Variants in CADM1 observed in about 807,000 individuals in gnomAD.
CADM1 encodes cell adhesion molecule 1.
In CADM1, 15 loss-of-function variants were observed where a neutral mutation model predicts 53.1. The ratio of observed to expected loss-of-function variants is 0.28; its 90% CI spans 0.19 to 0.44. CADM1 has a LOEUF of 0.44. CADM1 is among the 20% of genes least tolerant of loss of function. The pLI is 1.00. For synonymous variants in CADM1, 281 were observed against 243.0 expected (o/e 1.16, Z -1.45); for missense variants, 434 against 611.3 (o/e 0.71, Z 3.06).
chr11:115,193,888 C>T (rs1940016815), intron 9 of CADM1: 1 of 152,168 alleles, frequency 6.6e-6, no homozygotes, highest in Non-Finnish European at 1.5e-5. Flanking sequence ...ACTCTTACTT[C>T]CACCACCAGC....
chr11:115,254,570 ACACAC>A, intron 1 of CADM1, among the ~76,000 whole-genome samples: 1 of 148,662 alleles, frequency 6.7e-6, no homozygotes, highest in East Asian at 2.0e-4. Context: ...ACACACACAC[ACACAC>A]ACACACACAC....
At chr11:115,499,499 T>C (rs1949687720) in intron 1 of CADM1, among the ~76,000 whole-genome samples, 1 of 152,274 alleles carries the variant, frequency 6.6e-6, no homozygotes, top group African/African-American at 2.4e-5. Flanking sequence ...TCCATGGGTT[T>C]ATTACCTAGA....
chr11:115,174,508 G>C lies in CADM1; in HGVS notation c.*1966C>G. ...ATAGGGGAGGGGTAAATAAAATGCT[G>C]CTCGATAATGGATTTTCTTTTACAT... On this transcript the variant is annotated 3_prime_UTR_variant, in exon 12 of 12. Transcript: ENST00000331581. The C allele has an allele frequency of 1.0e-6, 1 of 985,610 alleles. No homozygotes were observed. Among genetic ancestry groups the C allele is most frequent in the Non-Finnish European group, 1.2e-6 (1 of 829,880 alleles). The allele number at this position is 985,610 out of a possible 1,614,324, so 61.1% of individuals were successfully genotyped here.
Position 115,259,290 on chromosome 11 carries a change from CTTTTTTTTTTTTTTTT to C in CADM1, c.125-18886_125-18871del, listed in dbSNP as rs71066411. ...CGTGCGCCACCGCACCCAGTCTTAA[CTTTTTTTTTTTTTTTT>C]TTTTTTTTTTTTTTTTTGAGACAGA... On this transcript the variant is annotated intron_variant, in intron 1 of 11. Coordinates refer to ENST00000331581, the MANE Select transcript of CADM1 (RefSeq NM_001301043.2). Among the ~76,000 whole-genome samples, 25 of 55,058 alleles carry C rather than the reference CTTTTTTTTTTTTTTTT, an allele frequency of 4.5e-4. No individual in the cohort carries two copies. In the Admixed American group the frequency reaches 5.6e-3, roughly 12 times the overall value. 36.1% of individuals were successfully genotyped at this position (55,058 alleles called of 152,430 possible).
intron 1 of CADM1, among the ~76,000 whole-genome samples, chr11:115,284,263 A>C (rs1406829646): frequency 2.0e-5 from 3 of 151,894 alleles, no homozygotes; most frequent in Non-Finnish European, 4.4e-5. Flanking sequence ...CCTAGAGATG[A>C]TCCAGTATTA....
chr11:115,200,614 G>T (rs189632867), intron 8 of CADM1, among the ~76,000 whole-genome samples: 4 of 152,278 alleles, frequency 2.6e-5, no homozygotes, highest in Non-Finnish European at 5.9e-5. Context: ...TCCTGCCTCA[G>T]CCTCCCGAGT....
chr11:115,262,896 C>G (rs889361923), intron 1 of CADM1, among the ~76,000 whole-genome samples: 1 of 152,028 alleles, frequency 6.6e-6, no homozygotes, highest in African/African-American at 2.4e-5. Flanking sequence ...CTTCATCCAC[C>G]TTCTCCTAAT....
chr11:115,480,775 G>T (rs765604004), intron 1 of CADM1, among the ~76,000 whole-genome samples: 1 of 152,112 alleles, frequency 6.6e-6, no homozygotes, highest in Non-Finnish European at 1.5e-5. Flanking sequence ...AACAGGTTTA[G>T]CATGGGATCC....
intron 1 of CADM1, among the ~76,000 whole-genome samples, chr11:115,253,448 C>T (rs1053882686): frequency 3.3e-5 from 5 of 152,072 alleles, no homozygotes; most frequent in East Asian, 1.9e-4. Context: ...TATGGCATCA[C>T]GGGACATAAT....
intron 7 of CADM1, 29 bp from the exon 8 acceptor site, chr11:115,209,686 C>A (rs897405227): frequency 3.7e-6 from 6 of 1,611,054 alleles, no homozygotes; most frequent in Non-Finnish European, 3.4e-6. Context: ...GAAAATCAAA[C>A]CCACAATGCT....
At chr11:115,222,194 C>G (rs1941432214) in intron 5 of CADM1, among the ~76,000 whole-genome samples, 1 of 152,168 alleles carries the variant, frequency 6.6e-6, no homozygotes, top group Non-Finnish European at 1.5e-5. Context: ...GGGTCTGGGT[C>G]AGCCCCTGTG....
intron 1 of CADM1, among the ~76,000 whole-genome samples, chr11:115,356,079 C>T (rs1263632803): frequency 6.6e-6 from 1 of 152,106 alleles, no homozygotes; most frequent in East Asian, 1.9e-4. Context: ...GATCCACCCA[C>T]CTTGGCCTCC....
intron 1 of CADM1, chr11:115,445,966 G>T (rs532590158): frequency 2.7e-5 from 6 of 219,994 alleles, no homozygotes; most frequent in Non-Finnish European, 5.6e-5. Flanking sequence ...TACATAAAAA[G>T]TATTTACTTT....
intron 1 of CADM1, among the ~76,000 whole-genome samples, chr11:115,428,223 A>G (rs1332810986): frequency 6.6e-6 from 1 of 152,130 alleles, no homozygotes; most frequent in Non-Finnish European, 1.5e-5. Flanking sequence ...TAGGTTTAAA[A>G]TATCTAGACA....
At chr11:115,368,427 GTAACTTCTTCAAGCATCA>G (rs1268777519) in intron 1 of CADM1, among the ~76,000 whole-genome samples, 8 of 151,708 alleles carry the variant, frequency 5.3e-5, no homozygotes, top group Non-Finnish European at 1.0e-4. Context: ...GATTTTACCA[GTAACTTCTTCAAGCATCA>G]TAAGCAAACA....
At chr11:115,331,157 T>G (rs1591715293) in intron 1 of CADM1, among the ~76,000 whole-genome samples, 2 of 152,212 alleles carry the variant, frequency 1.3e-5, no homozygotes, top group African/African-American at 4.8e-5. Flanking sequence ...GGGGATTTGG[T>G]TTTTTTGAGA....
chr11:115,456,742 G>A (rs1255395313), intron 1 of CADM1, among the ~76,000 whole-genome samples: 4 of 152,038 alleles, frequency 2.6e-5, no homozygotes, highest in Admixed American at 6.6e-5. Context: ...TGCCACATAG[G>A]ATTTTTGCAA....
chr11:115,328,145 T>A (rs1945008849), intron 1 of CADM1, among the ~76,000 whole-genome samples: 3 of 152,154 alleles, frequency 2.0e-5, no homozygotes, highest in African/African-American at 4.8e-5. Flanking sequence ...GATTTTTTTT[T>A]TATATCAGAT....
At chr11:115,181,681 G>A (rs1182528963) in intron 10 of CADM1, among the ~76,000 whole-genome samples, 1 of 152,226 alleles carries the variant, frequency 6.6e-6, no homozygotes, top group East Asian at 1.9e-4. Flanking sequence ...CCTGTTCACT[G>A]AGTGCCTCTG....
Sources: gnomAD v4.1 joint callset for allele counts (sites outside exome capture counted in the v4.1 genomes callset) on GRCh38, gnomAD v4.1.1 for gene constraint, MANE v1.5 for transcripts, NCBI Gene and HGNC (gene_info 2026-07-23, HGNC 2026-07-21) for gene names.